HVCN1: variants seen among roughly 807,000 people sequenced by gnomAD.
The protein encoded by HVCN1 is hydrogen voltage gated channel 1, also known as voltage-gated hydrogen channel 1.
HVCN1 carries 14 observed loss-of-function variants against 29.2 expected under a neutral mutation model. The observed-to-expected ratio is 0.48, with a 90% CI of 0.32 to 0.75. The LOEUF (loss-of-function observed/expected upper bound fraction) is 0.75. Among genes scored for constraint, HVCN1 ranks in the 30% least tolerant of loss-of-function variants. HVCN1 has a pLI of 0.04. For synonymous variants in HVCN1, 131 were observed against 133.2 expected, an observed-to-expected ratio of 0.98 and a Z score of 0.11; for missense variants, 263 against 341.8, an observed-to-expected ratio of 0.77 and a Z score of 1.82.
At chr12:110,668,523 C>T (rs1013930743) in intron 3 of HVCN1, among the ~76,000 whole-genome samples, 1 of 151,896 alleles carries the variant, frequency 6.6e-6, no homozygotes, top group Admixed American at 6.6e-5. Flanking sequence ...AACAAAAAAC[C>T]CCAAAACTCT....
chr12:110,656,518 G>T (rs566513964), intron 4 of HVCN1, among the ~76,000 whole-genome samples: 4 of 152,234 alleles, frequency 2.6e-5, no homozygotes, highest in South Asian at 4.1e-4. Flanking sequence ...AGTGGGAGGA[G>T]CCCCAAAGGA....
chr12:110,663,326 G>A (rs1471179007), intron 3 of HVCN1, among the ~76,000 whole-genome samples: 1 of 152,132 alleles, frequency 6.6e-6, no homozygotes, highest in African/African-American at 2.4e-5. Context: ...TAGTTGGGCA[G>A]GTGTGGCAGC....
Position 110,698,156 on chromosome 12 carries a change from G to A in HVCN1, c.-104+4153C>T, listed in dbSNP as rs566507786. ...TCTCCAGTCCTTTAGGATCTTTCTT[G>A]TCTGCTTTGTATTATTATTTTTTTG... On this transcript the variant is annotated intron_variant, in intron 2 of 4. Transcript: ENST00000546713. 5.3e-5 allele frequency among the ~76,000 whole-genome samples: 8 copies of A among 152,182 alleles called. No individual in the cohort carries two copies. In the South Asian group the frequency reaches 1.7e-3, roughly 32 times the overall value.
chr12:110,683,107 C>T, intron 3 of HVCN1, 118 bp downstream of exon 3: 1 of 1,312,904 alleles, frequency 7.6e-7, no homozygotes, highest in Non-Finnish European at 1.1e-6. Flanking sequence ...TTAAATATTT[C>T]AGTATAGTGG....
intron 2 of HVCN1, among the ~76,000 whole-genome samples, chr12:110,699,043 A>T (rs1212567308): frequency 6.6e-6 from 1 of 152,188 alleles, no homozygotes; most frequent in Non-Finnish European, 1.5e-5. Context: ...CAGAAGAATC[A>T]CGTGAACCCG....
At chr12:110,700,722 T>G (rs1402169046) in intron 2 of HVCN1, among the ~76,000 whole-genome samples, 3 of 152,176 alleles carry the variant, frequency 2.0e-5, no homozygotes, top group Non-Finnish European at 4.4e-5. Flanking sequence ...CCTCCCAAAG[T>G]GCTGGGATTA....
intron 1 of HVCN1, among the ~76,000 whole-genome samples, 152 bp downstream of exon 1, chr12:110,688,928 G>A (rs1273190155): frequency 1.3e-5 from 2 of 152,152 alleles, no homozygotes; most frequent in Admixed American, 1.3e-4. Context: ...GGCAACCGAG[G>A]GCTGGGGTCC....
upstream of HVCN1, among the ~76,000 whole-genome samples, chr12:110,691,315 G>A (rs536212693): frequency 3.0e-4 from 45 of 152,158 alleles, no homozygotes; most frequent in Admixed American, 2.2e-3. Context: ...CGTCCTCCTC[G>A]GCCTCCCAAA....
intron 3 of HVCN1, among the ~76,000 whole-genome samples, chr12:110,679,859 C>CAAA (rs370385245): frequency 2.3e-5 from 2 of 88,222 alleles, no homozygotes; most frequent in African/African-American, 4.1e-5. Flanking sequence ...GACTCCGTCT[C>CAAA]AAAAAAAAAA....
chr12:110,688,817 G>T (rs991619482), intron 1 of HVCN1, 109 bp from the exon 2 acceptor site: 2 of 152,502 alleles, frequency 1.3e-5, no homozygotes, highest in African/African-American at 4.8e-5. Flanking sequence ...CGGGATCGGG[G>T]GGTCACTAGG....
At chr12:110,681,826 C>T (rs7974047) in intron 3 of HVCN1, among the ~76,000 whole-genome samples, 16,850 of 152,140 alleles carry the variant, frequency 0.11, 1,113 homozygotes, top group African/African-American at 0.19. Flanking sequence ...TGAAAGTCAA[C>T]ACTTCCTTTC....
upstream of HVCN1, chr12:110,689,482 C>G (rs1172336252): frequency 6.6e-6 from 1 of 152,244 alleles, no homozygotes; most frequent in Non-Finnish European, 1.5e-5. The surrounding 1 kb of genome is among the most constrained non-coding windows in gnomAD (Gnocchi z 5.7). Flanking sequence ...CCGGCTGGAG[C>G]GGGGCGAATC....
At chr12:110,687,032 G>A (rs1216320396) in intron 2 of HVCN1, among the ~76,000 whole-genome samples, 2 of 152,156 alleles carry the variant, frequency 1.3e-5, no homozygotes, top group Non-Finnish European at 2.9e-5. Flanking sequence ...GTAGAAACGG[G>A]AGAAAAAATG....
chr12:110,656,499 A>G (rs1216171927), intron 4 of HVCN1, among the ~76,000 whole-genome samples: 1 of 152,136 alleles, frequency 6.6e-6, no homozygotes, highest in African/African-American at 2.4e-5. Context: ...ATGGCAGTGG[A>G]GATGCAGCAG....
chr12:110,691,898 C>CTATGTCCATACTTTTTGGGA (rs2069412760), upstream of HVCN1, among the ~76,000 whole-genome samples: 1 of 152,198 alleles, frequency 6.6e-6, no homozygotes, highest in Non-Finnish European at 1.5e-5. Context: ...AACCTGGGGC[C>CTATGTCCATACTTTTTGGGA]ACCAGCAGGG....
upstream of HVCN1, among the ~76,000 whole-genome samples, chr12:110,691,218 A>T (rs2069399911): frequency 6.6e-6 from 1 of 151,718 alleles, no homozygotes; most frequent in African/African-American, 2.4e-5. Flanking sequence ...GCCCGCCACC[A>T]CGCTCGGTTA....
intron 3 of HVCN1, among the ~76,000 whole-genome samples, chr12:110,673,917 C>CT (rs1566050814): frequency 6.6e-6 from 1 of 152,234 alleles, no homozygotes; most frequent in African/African-American, 2.4e-5. Context: ...AGCACCCACA[C>CT]TGAGTCCCTT....
In HVCN1 at chr12:110,651,278, CT is replaced by C; in HGVS notation, c.581del (p.Gln194ArgfsTer8). 1 of 1,614,130 alleles carries C rather than the reference CT, an allele frequency of 6.2e-7. No individual in the cohort carries two copies. The highest frequency in any genetic ancestry group is 8.5e-7 in the Non-Finnish European group (1 of 1,180,000). ...GAATCAGCAGGCCCAGAGCCTCAAA[CT>C]GGTGCTCCTGGAACAGGAGGACAAT... ...LDIVLLFQEH[Q>X]FEALGLLILL... On this transcript the variant is annotated frameshift_variant, in exon 6 of 8. Transcript: ENST00000242607. LOFTEE classifies it high-confidence loss of function.
Position 110,665,819 on chromosome 12 carries a change from C to T in HVCN1, c.22-4371G>A, listed in dbSNP as rs1255852847. On this transcript the variant is annotated intron_variant, in intron 3 of 7. Coordinates refer to ENST00000242607, the MANE Select transcript of HVCN1 (RefSeq NM_032369.4). ...GTCAGGAGTTCAAGACCAGCCTGAC[C>T]AATGTGGAGAAACCCCATCTCTACT... is the stretch of plus-strand genomic sequence containing the variant. Among the ~76,000 whole-genome samples the T allele has an allele frequency of 2.0e-5, 3 of 151,690 alleles. No individual in the cohort carries two copies. The East Asian group carries it at 5.8e-4, about 29-fold the overall frequency.
Sources: gnomAD v4.1 joint callset for allele counts (sites outside exome capture counted in the v4.1 genomes callset) on GRCh38, gnomAD v4.1.1 for gene constraint, Gnocchi (gnomAD v3.1) non-coding constraint, MANE v1.5 for transcripts, NCBI Gene and HGNC (gene_info 2026-07-23, HGNC 2026-07-21) for gene names.